The following DIP2C variants were observed in gnomAD, a reference collection of about 807,000 sequenced individuals.
DIP2C encodes disco-interacting protein 2 homolog C.
Under a neutral mutation model 192.4 loss-of-function variants are expected in DIP2C, and 33 were observed. That is an observed-to-expected ratio of 0.17 (90% CI 0.13 to 0.23). DIP2C has a LOEUF of 0.23. Among genes scored for constraint, DIP2C ranks in the 10% least tolerant of loss-of-function variants. DIP2C has a pLI of 1.00. For missense variants in DIP2C, 1,537 were observed against 2,110.1 expected, an observed-to-expected ratio of 0.73 and a Z score of 5.32; for synonymous variants, 979 against 864.1, an observed-to-expected ratio of 1.13 and a Z score of -2.33.
At chr10:444,846 C>T (rs993049816) in intron 3 of DIP2C, among the ~76,000 whole-genome samples, 6 of 152,226 alleles carry the variant, frequency 3.9e-5, no homozygotes, top group Non-Finnish European at 8.8e-5. Flanking sequence ...GAGAGATTTA[C>T]GTTGTTTCCA....
At chr10:605,372 G>T (rs1399562086) in intron 1 of DIP2C, among the ~76,000 whole-genome samples, 1 of 152,170 alleles carries the variant, frequency 6.6e-6, no homozygotes, top group Non-Finnish European at 1.5e-5. Flanking sequence ...AGAATTTCCT[G>T]AAACATTCTT....
At chr10:349,252 C>CA in intron 25 of DIP2C, 79 bp downstream of exon 25, 1 of 1,545,244 alleles carries the variant, frequency 6.5e-7, no homozygotes, top group South Asian at 1.2e-5. Flanking sequence ...GCTCAGGCAC[C>CA]AGCGGGTGTA....
rs141742787 is a variant in DIP2C, at chr10:360,720, C to T, written c.2794+1770G>A. On this transcript the variant is annotated intron_variant, in intron 22 of 36. Transcript: ENST00000280886. ...TGTAATATTTTTGCCAGCTCAGCTG[C>T]TGAGTTAAAGGTCTCTTAATACTTT... is the stretch of plus-strand genomic sequence containing the variant. Among the ~76,000 whole-genome samples the T allele has an allele frequency of 5.4e-4, 83 of 152,342 alleles. 2 individuals are homozygous for T. Among genetic ancestry groups the T allele is most frequent in the East Asian group, 3.5e-3 (18 of 5,188 alleles).
Position 323,876 on chromosome 10 carries a change from GGT to G in DIP2C, c.3924+3128_3924+3129del, listed in dbSNP as rs1957141334. ...CTCTATGGAGAGCCAGGGAGCGAGA[GGT>G]GGTTTCTGCCGCTGGATCCTGGGCT... is the stretch of plus-strand genomic sequence containing the variant. On this transcript the variant is annotated intron_variant, in intron 31 of 36. Coordinates refer to ENST00000280886, the MANE Select transcript of DIP2C (RefSeq NM_014974.3). Among the ~76,000 whole-genome samples, 3 of 152,168 alleles carry G rather than the reference GGT, an allele frequency of 2.0e-5. No homozygotes were observed. The South Asian group carries it at 6.2e-4, about 32-fold the overall frequency.
chr10:606,712 C>A (rs1422872202), intron 1 of DIP2C, among the ~76,000 whole-genome samples: 1 of 152,254 alleles, frequency 6.6e-6, no homozygotes, highest in Non-Finnish European at 1.5e-5. Flanking sequence ...AAGCACTCTG[C>A]TGCCTCCTTG....
intron 31 of DIP2C, among the ~76,000 whole-genome samples, chr10:321,523 A>G: frequency 7.6e-6 from 1 of 131,860 alleles, no homozygotes; most frequent in African/African-American, 2.8e-5. Flanking sequence ...CAGTCAGGGA[A>G]GGCCTGCGGG....
chr10:529,261 A>T (rs771104228), intron 1 of DIP2C, among the ~76,000 whole-genome samples: 1 of 152,210 alleles, frequency 6.6e-6, no homozygotes, highest in Non-Finnish European at 1.5e-5. Flanking sequence ...ATTCACGTAA[A>T]ATACTGCTTA....
intron 10 of DIP2C, among the ~76,000 whole-genome samples, chr10:396,167 TCTA>T (rs1963971598): frequency 6.6e-6 from 1 of 152,248 alleles, no homozygotes; most frequent in African/African-American, 2.4e-5. Flanking sequence ...GGTTTATGTC[TCTA>T]CTACCATTCA....
chr10:377,292 A>T (rs1961732928), intron 17 of DIP2C, among the ~76,000 whole-genome samples: 1 of 152,220 alleles, frequency 6.6e-6, no homozygotes, highest in African/African-American at 2.4e-5. Context: ...ATGGGCTGGA[A>T]CTGGGGGGGA....
chr10:308,141 T>G (rs1356123769), intron 32 of DIP2C, among the ~76,000 whole-genome samples: 1 of 152,216 alleles, frequency 6.6e-6, no homozygotes. Context: ...GAAGTCACTT[T>G]ACAGCCAGAC....
At chr10:326,831 C>T (rs772471802) in intron 31 of DIP2C, among the ~76,000 whole-genome samples, 175 bp downstream of exon 31, 20 of 152,048 alleles carry the variant, frequency 1.3e-4, no homozygotes, top group African/African-American at 4.1e-4. Context: ...TGGATACGAA[C>T]GTAGACTGTA....
chr10:662,754 T>G, intron 1 of DIP2C: 1 of 637,970 alleles, frequency 1.6e-6, no homozygotes, highest in South Asian at 1.9e-5. Context: ...CAAATCTAAC[T>G]TATCTTATTT....
chr10:555,819 C>T (rs1016465921), intron 1 of DIP2C, among the ~76,000 whole-genome samples: 3 of 152,244 alleles, frequency 2.0e-5, no homozygotes, highest in Admixed American at 6.5e-5. Flanking sequence ...AGCCACACGG[C>T]GTCCAGTCTC....
chr10:683,577 G>A (rs1399107160), intron 1 of DIP2C, among the ~76,000 whole-genome samples: 1 of 152,174 alleles, frequency 6.6e-6, no homozygotes, highest in Non-Finnish European at 1.5e-5. Context: ...CGTTCCAGAG[G>A]ACAAAATGCC....
intron 3 of DIP2C, among the ~76,000 whole-genome samples, chr10:447,720 C>A (rs1169404157): frequency 1.5e-5 from 1 of 68,330 alleles, no homozygotes; most frequent in Non-Finnish European, 2.8e-5. Flanking sequence ...CGCTCACTCC[C>A]ACTGATGCTC....
intron 1 of DIP2C, chr10:668,497 A>G (rs1857251666): frequency 6.6e-6 from 1 of 152,126 alleles, no homozygotes; most frequent in Non-Finnish European, 1.5e-5. Context: ...CATACAACAC[A>G]ACACTCATAC....
chr10:591,431 G>A (rs747108165), intron 1 of DIP2C, among the ~76,000 whole-genome samples: 5 of 152,008 alleles, frequency 3.3e-5, no homozygotes, highest in Admixed American at 6.6e-5. Context: ...TGCCATTACT[G>A]GTGTAATTTC....
intron 10 of DIP2C, among the ~76,000 whole-genome samples, chr10:396,830 G>A (rs561299434): frequency 7.3e-4 from 48 of 65,390 alleles, no homozygotes; most frequent in Non-Finnish European, 3.2e-4. Flanking sequence ...ATCCGGTGGG[G>A]GGGGGGGAAA....
intron 1 of DIP2C, among the ~76,000 whole-genome samples, chr10:610,252 A>G (rs140798564): frequency 6.6e-6 from 1 of 152,330 alleles, no homozygotes; most frequent in Non-Finnish European, 1.5e-5. Context: ...CATGAGCAGG[A>G]GCTGACAGCA....
Sources: allele counts gnomAD v4.1 joint callset (sites outside exome capture counted in the v4.1 genomes callset), GRCh38; gene constraint gnomAD v4.1.1; transcripts MANE v1.5; gene names NCBI Gene and HGNC (gene_info 2026-07-23, HGNC 2026-07-21).